SLC2A9: variants seen among roughly 807,000 people sequenced by gnomAD.
SLC2A9 encodes the protein solute carrier family 2, facilitated glucose transporter member 9.
Under a neutral mutation model 50.6 loss-of-function variants are expected in SLC2A9, and 39 were observed. The observed-to-expected ratio is 0.77, with a 90% CI of 0.60 to 1.01. The LOEUF (loss-of-function observed/expected upper bound fraction) is 1.01, where lower values mean the gene tolerates loss of function less well. Among genes scored for constraint, SLC2A9 ranks in the 50% least tolerant of loss-of-function variants. SLC2A9 has a pLI of 0.00. For missense variants in SLC2A9, 686 were observed against 677.6 expected (o/e 1.01, Z -0.14); for synonymous variants, 324 against 276.9 (o/e 1.17, Z -1.69).
chr4:9,879,642 T>C (rs1215255069), intron 10 of SLC2A9: 1 of 985,290 alleles, frequency 1.0e-6, no homozygotes, highest in Non-Finnish European at 1.2e-6. Context: ...AATTCGCACC[T>C]TGATAATGGC....
At chr4:10,029,239 G>A (rs1763851421) in intron 1 of SLC2A9, 2 of 152,230 alleles carry the variant, frequency 1.3e-5, no homozygotes, top group South Asian at 4.1e-4. Flanking sequence ...AGATTTTCTA[G>A]GCTCAACTCT....
At chr4:9,953,921 T>A (rs4305511) in intron 5 of SLC2A9, among the ~76,000 whole-genome samples, 71,550 of 151,752 alleles carry the variant, frequency 0.47, 17,971 homozygotes, top group African/African-American at 0.63. Flanking sequence ...GCAATTCTCC[T>A]GCCTCAGCCT....
At chr4:9,928,919 C>T (rs564330045) in intron 6 of SLC2A9, among the ~76,000 whole-genome samples, 4 of 152,216 alleles carry the variant, frequency 2.6e-5, no homozygotes, top group Admixed American at 6.5e-5. Context: ...TCAGCAAGGA[C>T]AGTGGTTGAT....
intron 5 of SLC2A9, among the ~76,000 whole-genome samples, chr4:9,969,342 T>C (rs976834037): frequency 6.6e-6 from 1 of 152,232 alleles, no homozygotes; most frequent in African/African-American, 2.4e-5. Context: ...TCCTTGCAAA[T>C]TTCTGGTTAT....
chr4:9,779,239 T>C (rs1717986825), downstream of SLC2A9, among the ~76,000 whole-genome samples: 1 of 152,124 alleles, frequency 6.6e-6, no homozygotes, highest in South Asian at 2.1e-4. Context: ...TAACTGTGAT[T>C]CAACCCAAAG....
intron 10 of SLC2A9, among the ~76,000 whole-genome samples, chr4:9,847,789 T>C (rs372121752): frequency 1.4e-4 from 21 of 152,304 alleles, no homozygotes; most frequent in African/African-American, 4.1e-4. Context: ...GGTTTTCCCT[T>C]TGTAGGGTTT....
intron 5 of SLC2A9, among the ~76,000 whole-genome samples, chr4:9,949,369 T>G (rs1455507480): frequency 6.6e-6 from 1 of 152,242 alleles, no homozygotes; most frequent in African/African-American, 2.4e-5. Context: ...CAGACACTCC[T>G]GCTCTTAAAA....
At position 10,019,021 on chromosome 4, in the gene SLC2A9, G is replaced by GAC; in HGVS notation, c.202_203insGT (p.Ser68CysfsTer12). 6.4e-7 allele frequency: 1 copy of GAC among 1,550,944 alleles called. No homozygotes were observed. The highest frequency in any genetic ancestry group is 8.7e-7 in the Non-Finnish European group (1 of 1,146,992). On this transcript the variant is annotated frameshift_variant, in exon 2 of 12. Transcript: ENST00000264784. LOFTEE classifies it high-confidence loss of function. ...CGACAGGTTGTAGCCGTAGAGGAAG[G>GAC]AGGAGCCGAAGGCGCCCGCGAGGGA...
downstream of SLC2A9, among the ~76,000 whole-genome samples, chr4:9,777,685 G>A (rs111488488): frequency 2.5e-4 from 38 of 152,320 alleles, no homozygotes; most frequent in African/African-American, 6.3e-4. Flanking sequence ...CACTGTGTTC[G>A]CTTGGGGAAT....
At chr4:9,782,924 T>C (rs764066484) in intron 3 of SLC2A9, 1 of 1,613,976 alleles carries the variant, frequency 6.2e-7, no homozygotes, top group Non-Finnish European at 8.5e-7. Flanking sequence ...CAAGACCCTG[T>C]CGGTGATCAT....
At chr4:9,827,809 G>A (rs556727168) in intron 11 of SLC2A9, among the ~76,000 whole-genome samples, 2 of 152,266 alleles carry the variant, frequency 1.3e-5, no homozygotes, top group South Asian at 4.2e-4. Context: ...TGGAGAAGGG[G>A]GAGAGTATGG....
chr4:9,809,538 T>C (rs1722582757), intron 3 of SLC2A9, among the ~76,000 whole-genome samples: 1 of 152,162 alleles, frequency 6.6e-6, no homozygotes, highest in African/African-American at 2.4e-5. Context: ...GTGGAAAGGC[T>C]GGAGAGAAGA....
chr4:9,893,882 G>A (rs929320103), intron 8 of SLC2A9, among the ~76,000 whole-genome samples: 2 of 152,200 alleles, frequency 1.3e-5, no homozygotes, highest in African/African-American at 4.8e-5. Flanking sequence ...TGCAACACAT[G>A]TTAATCTCAG....
intron 10 of SLC2A9, among the ~76,000 whole-genome samples, chr4:9,861,111 A>C (rs1200420509): frequency 2.0e-5 from 3 of 152,178 alleles, no homozygotes; most frequent in Non-Finnish European, 4.4e-5. Context: ...TGAGACTGGT[A>C]ATTTATATTA....
chr4:9,924,519 A>G (rs1744547326), intron 6 of SLC2A9, among the ~76,000 whole-genome samples: 1 of 152,014 alleles, frequency 6.6e-6, no homozygotes, highest in Admixed American at 6.6e-5. Flanking sequence ...TCATTATTGA[A>G]CCTCAATGCC....
intron 3 of SLC2A9, among the ~76,000 whole-genome samples, chr4:9,989,933 T>C (rs1480226196): frequency 6.6e-6 from 1 of 152,056 alleles, no homozygotes; most frequent in African/African-American, 2.4e-5. Context: ...CTTCCTTCAG[T>C]GCTCCCTGCA....
chr4:9,911,172 A>T (rs1741706238), intron 7 of SLC2A9, among the ~76,000 whole-genome samples: 1 of 152,080 alleles, frequency 6.6e-6, no homozygotes, highest in South Asian at 2.1e-4. Context: ...AAGCAATAAA[A>T]GCCATATTTA....
At chr4:9,926,763 A>T (rs1475878215) in intron 6 of SLC2A9, among the ~76,000 whole-genome samples, 1 of 152,168 alleles carries the variant, frequency 6.6e-6, no homozygotes, top group Non-Finnish European at 1.5e-5. Flanking sequence ...TATGTAAGTT[A>T]TGAGGAAGTC....
Position 9,923,352 on chromosome 4 carries a change from T to C in SLC2A9, c.815-2780A>G, listed in dbSNP as rs139343650. Among the ~76,000 whole-genome samples, 707 of 152,336 alleles carry C rather than the reference T, an allele frequency of 4.6e-3. 8 individuals carry two copies. The highest frequency in any genetic ancestry group is 0.016 in the African/African-American group (685 of 41,574). On this transcript the variant is annotated intron_variant, in intron 6 of 11. Coordinates refer to ENST00000264784, the MANE Select transcript of SLC2A9 (RefSeq NM_020041.3). ...GCACAGGTGCATACTCCACTTGTTA[T>C]ATAACCTGTTTGTGTAAGTTCATAC...
Sources: gnomAD v4.1 joint callset for allele counts (sites outside exome capture counted in the v4.1 genomes callset) on GRCh38, gnomAD v4.1.1 for gene constraint, MANE v1.5 for transcripts, NCBI Gene and HGNC (gene_info 2026-07-23, HGNC 2026-07-21) for gene names.